Variants in PTPRZ1 observed in about 807,000 individuals in gnomAD.
PTPRZ1 encodes protein tyrosine phosphatase receptor type Z1.
Under a neutral mutation model 214.1 loss-of-function variants are expected in PTPRZ1, and 82 were observed. The observed-to-expected ratio is 0.38, with a 90% CI of 0.32 to 0.46. The LOEUF (loss-of-function observed/expected upper bound fraction) is 0.46, where lower values mean the gene tolerates loss of function less well. PTPRZ1 is among the 20% of genes least tolerant of loss of function. The probability of loss-of-function intolerance (pLI) is 1.00; values close to 1 mark genes in which losing one functional copy is unlikely to be tolerated. For synonymous variants in PTPRZ1, 945 were observed against 987.9 expected (o/e 0.96, Z 0.81); for missense variants, 2,603 against 2,748.7 (o/e 0.95, Z 1.19).
intron 23 of PTPRZ1, among the ~76,000 whole-genome samples, chr7:122,045,051 C>G (rs1799846491): frequency 1.3e-5 from 2 of 152,146 alleles, no homozygotes; most frequent in African/African-American, 4.8e-5. Context: ...CCCCCTCACC[C>G]TGTCTCAAGG....
chr7:122,009,063 A>C (rs193004284), intron 11 of PTPRZ1, among the ~76,000 whole-genome samples: 1 of 152,218 alleles, frequency 6.6e-6, no homozygotes, highest in African/African-American at 2.4e-5. Context: ...TTGTAAGGAA[A>C]TTTTTCAAGG....
chr7:121,881,771 G>C (rs13437930), intron 1 of PTPRZ1, among the ~76,000 whole-genome samples: 19,834 of 152,108 alleles, frequency 0.13, 1,378 homozygotes, highest in African/African-American at 0.18. Context: ...TGGGTCCAAA[G>C]ATTCAAGTCT....
intron 23 of PTPRZ1, among the ~76,000 whole-genome samples, chr7:122,045,038 T>C (rs1175324186): frequency 2.0e-5 from 3 of 152,022 alleles, no homozygotes; most frequent in Non-Finnish European, 4.4e-5. Flanking sequence ...AACCCCAGTT[T>C]CTCCCCCTCA....
chr7:121,909,365 C>G (rs574602962), intron 1 of PTPRZ1, among the ~76,000 whole-genome samples: 1 of 150,572 alleles, frequency 6.6e-6, no homozygotes, highest in South Asian at 2.1e-4. Flanking sequence ...TGCCCTCAGT[C>G]CAACTGGAAC....
At chr7:121,970,426 A>G (rs1305339210) in intron 3 of PTPRZ1, among the ~76,000 whole-genome samples, 3 of 152,126 alleles carry the variant, frequency 2.0e-5, no homozygotes, top group African/African-American at 4.8e-5. Flanking sequence ...CAACAGTGTA[A>G]AAGTGTTTCT....
intron 12 of PTPRZ1, among the ~76,000 whole-genome samples, chr7:122,015,682 C>T (rs1373059541): frequency 2.0e-5 from 3 of 152,014 alleles, no homozygotes; most frequent in African/African-American, 4.8e-5. Flanking sequence ...TACGTTCTTG[C>T]TAGACTATGC....
Position 122,040,814 on chromosome 7 carries a change from A to T in PTPRZ1, c.5638-2A>T. On this transcript the variant is annotated splice_acceptor_variant, in intron 20 of 29. Coordinates refer to ENST00000393386, the MANE Select transcript of PTPRZ1 (RefSeq NM_002851.3). LOFTEE classifies it high-confidence loss of function. Reference sequence around the variant, plus strand: ...TGTTATTAACTGTCTGAACTTTTCCAGGGCTCCCAGAAAGGAAGACCCAGT... The same window carrying T: ...TGTTATTAACTGTCTGAACTTTTCCTGGGCTCCCAGAAAGGAAGACCCAGT... The T allele has an allele frequency of 6.5e-7, 1 of 1,533,242 alleles. No individual in the cohort carries two copies. The highest frequency in any genetic ancestry group is 1.9e-5 in the Admixed American group (1 of 53,508). The allele number at this position is 1,533,242 out of a possible 1,614,324, so 95.0% of individuals were successfully genotyped here.
chr7:121,941,205 T>G (rs902697366), intron 2 of PTPRZ1, among the ~76,000 whole-genome samples: 1 of 152,202 alleles, frequency 6.6e-6, no homozygotes, highest in Non-Finnish European at 1.5e-5. Context: ...GCTTTTGTTT[T>G]ACAAATGGAG....
chr7:121,904,294 C>A (rs550116428), intron 1 of PTPRZ1, among the ~76,000 whole-genome samples: 1 of 152,182 alleles, frequency 6.6e-6, no homozygotes, highest in African/African-American at 2.4e-5. Context: ...CAATCAAGGA[C>A]ACCCCAGAAG....
chr7:121,951,632 A>G (rs1796544178), intron 2 of PTPRZ1, among the ~76,000 whole-genome samples: 3 of 152,196 alleles, frequency 2.0e-5, no homozygotes, highest in Non-Finnish European at 4.4e-5. Context: ...GGGGTTCTCA[A>G]CCTTTCAAAG....
chr7:122,053,548 A>G (rs1792254886), intron 25 of PTPRZ1, among the ~76,000 whole-genome samples: 1 of 152,180 alleles, frequency 6.6e-6, no homozygotes, highest in African/African-American at 2.4e-5. Flanking sequence ...AAAATCATAA[A>G]CATTCACTAC....
At chr7:121,919,283 G>C (rs1282162048) in intron 1 of PTPRZ1, among the ~76,000 whole-genome samples, 1 of 152,004 alleles carries the variant, frequency 6.6e-6, no homozygotes, top group African/African-American at 2.4e-5. Flanking sequence ...TTTGACACCA[G>C]TAAAGTCTCA....
intron 2 of PTPRZ1, among the ~76,000 whole-genome samples, chr7:121,960,802 C>A (rs915984869): frequency 6.6e-6 from 1 of 151,992 alleles, no homozygotes; most frequent in Non-Finnish European, 1.5e-5. Flanking sequence ...AGTTCATATT[C>A]TTGTGTTAAT....
intron 1 of PTPRZ1, chr7:121,908,550 T>G (rs1795180957): frequency 3.0e-6 from 1 of 338,868 alleles, no homozygotes; most frequent in African/African-American, 2.2e-5. Flanking sequence ...TACTCCAGTC[T>G]TACAGGTCCT....
chr7:121,952,127 C>T (rs1196486), intron 2 of PTPRZ1, among the ~76,000 whole-genome samples: 93,540 of 151,540 alleles, frequency 0.62, 29,451 homozygotes, highest in African/African-American at 0.73. Flanking sequence ...CCTGGCTAAT[C>T]TTTTGTATTT....
intron 1 of PTPRZ1, among the ~76,000 whole-genome samples, chr7:121,893,270 G>C (rs989325910): frequency 3.9e-5 from 6 of 152,146 alleles, no homozygotes; most frequent in African/African-American, 1.4e-4. Flanking sequence ...AAATGGCTGT[G>C]TGGTTCAAAC....
chr7:121,902,218 A>G (rs1241201049), intron 1 of PTPRZ1, among the ~76,000 whole-genome samples: 1 of 152,186 alleles, frequency 6.6e-6, no homozygotes, highest in Non-Finnish European at 1.5e-5. Context: ...TCTGTGATGT[A>G]TATATACCAC....
chr7:122,041,012 G>A (rs757325591), intron 21 of PTPRZ1, 33 bp downstream of exon 21: 4 of 1,423,458 alleles, frequency 2.8e-6, no homozygotes, highest in Non-Finnish European at 2.8e-6. Flanking sequence ...TAAACCCATA[G>A]AATTGCTTAT....
intron 6 of PTPRZ1, among the ~76,000 whole-genome samples, chr7:121,982,766 T>C (rs76390602): frequency 1.1e-3 from 166 of 152,252 alleles, no homozygotes; most frequent in African/African-American, 3.9e-3. Context: ...TCTCTGTAGA[T>C]GATTTTCTTT....
Sources: allele counts gnomAD v4.1 joint callset (sites outside exome capture counted in the v4.1 genomes callset), GRCh38; gene constraint gnomAD v4.1.1; transcripts MANE v1.5; gene names NCBI Gene and HGNC (gene_info 2026-07-23, HGNC 2026-07-21).